Variants in RSPH10B2 observed in about 807,000 individuals in gnomAD.
RSPH10B2 encodes the protein radial spoke head 10 homolog B2 (Chlamydomonas).
In RSPH10B2, 9 loss-of-function variants were observed where a neutral mutation model predicts 49.0. That is an observed-to-expected ratio of 0.18 (90% confidence interval 0.11 to 0.32). RSPH10B2 has a LOEUF of 0.32. Among genes scored for constraint, RSPH10B2 ranks in the 10% least tolerant of loss-of-function variants. RSPH10B2 has a pLI of 1.00. For synonymous variants in RSPH10B2, 35 were observed against 210.2 expected (o/e 0.17, Z 7.21); for missense variants, 95 against 589.9 (o/e 0.16, Z 8.69).
chr7:6,785,790 C>A (rs1310861272), intron 13 of RSPH10B2, among the ~76,000 whole-genome samples, 159 bp from the exon 16 acceptor site: 7 of 151,422 alleles, frequency 4.6e-5, no homozygotes, highest in African/African-American at 1.5e-4. Flanking sequence ...GCGCCACTGC[C>A]TAGCAGCCTG....
intron 13 of RSPH10B2, among the ~76,000 whole-genome samples, chr7:6,783,294 TG>T (rs1420204259): frequency 8.6e-6 from 1 of 116,594 alleles, no homozygotes; most frequent in African/African-American, 3.7e-5. Context: ...ACTCCCAAAG[TG>T]CTGGGATTAC....
intron 17 of RSPH10B2, chr7:6,793,996 A>G (rs1330030459): frequency 1.4e-5 from 2 of 147,252 alleles, no homozygotes; most frequent in African/African-American, 5.1e-5. Context: ...GTACATGCTC[A>G]CCTTTGCTGC....
intron 1 of RSPH10B2, among the ~76,000 whole-genome samples, chr7:6,758,172 G>A (rs1264897872): frequency 6.7e-6 from 1 of 149,762 alleles, no homozygotes; most frequent in Non-Finnish European, 1.5e-5. Flanking sequence ...TAGAGACAAG[G>A]TTTCACCCTG....
At chr7:6,764,335 T>C (rs1198309239) in intron 4 of RSPH10B2, among the ~76,000 whole-genome samples, 22 of 149,798 alleles carry the variant, frequency 1.5e-4, no homozygotes, top group Non-Finnish European at 1.2e-4. Context: ...TGAGGCGAAA[T>C]TCACATCACA....
chr7:6,793,396 C>G lies in RSPH10B2; in HGVS notation c.2233+1399C>G, dbSNP rs1482924770. 1.7e-5 allele frequency among the ~76,000 whole-genome samples: 2 copies of G among 116,432 alleles called. 1 individual carries two copies. Among genetic ancestry groups the G allele is most frequent in the Non-Finnish European group, 3.4e-5 (2 of 58,260 alleles). The allele number at this position is 116,432 out of a possible 152,430, so 76.4% of individuals were successfully genotyped here. The stretch of plus-strand genomic sequence containing the variant: ...GTCTCTCTATGGCCGGCCACCCACT[C>G]AATGGTGGACTTTTAAAGGCTCCGT... On this transcript the variant is annotated intron_variant, in intron 17 of 18. Transcript: ENST00000297186.
chr7:6,764,710 G>C (rs1477520519), intron 4 of RSPH10B2, among the ~76,000 whole-genome samples: 2 of 13,192 alleles, frequency 1.5e-4, no homozygotes, highest in African/African-American at 4.9e-4. Context: ...TGTTGTTGTT[G>C]TGTGTGTGTG....
intron 14 of RSPH10B2, among the ~76,000 whole-genome samples, chr7:6,786,332 G>A (rs1176573152): frequency 2.7e-5 from 3 of 109,552 alleles, no homozygotes; most frequent in African/African-American, 7.6e-5. Flanking sequence ...ACAGGCGCCC[G>A]CCACCACGCC....
chr7:6,764,787 C>T (rs1360522340), intron 4 of RSPH10B2, among the ~76,000 whole-genome samples: 1 of 146,742 alleles, frequency 6.8e-6, no homozygotes, highest in African/African-American at 2.5e-5. Flanking sequence ...GGGGTGGTGA[C>T]TTCTAGACAG....
At chr7:6,783,620 G>A (rs1422274518) in intron 13 of RSPH10B2, among the ~76,000 whole-genome samples, 1 of 143,722 alleles carries the variant, frequency 7.0e-6, no homozygotes, top group Non-Finnish European at 1.5e-5. Context: ...CTACATGTGT[G>A]TGCCAACATA....
chr7:6,752,176 G>A (rs1464161267), upstream of RSPH10B2, among the ~76,000 whole-genome samples: 2 of 149,724 alleles, frequency 1.3e-5, no homozygotes, highest in Admixed American at 6.8e-5. Flanking sequence ...GAAAATGACT[G>A]GATGGGACAG....
intron 13 of RSPH10B2, among the ~76,000 whole-genome samples, chr7:6,782,949 GAATTT>G (rs1781998566): frequency 7.8e-6 from 1 of 128,008 alleles, no homozygotes; most frequent in Non-Finnish European, 1.6e-5. Flanking sequence ...ATCGAAAAAG[GAATTT>G]TTAAAAGTTA....
chr7:6,783,926 T>A (rs1431172556), intron 13 of RSPH10B2, among the ~76,000 whole-genome samples: 4 of 137,336 alleles, frequency 2.9e-5, no homozygotes, highest in Non-Finnish European at 4.6e-5. Flanking sequence ...AACCTCCGCC[T>A]CCCGGGTTCA....
rs1203188528 is a variant in RSPH10B2 at position 6,763,533 on chromosome 7, C to T, written c.400-395C>T. Among the ~76,000 whole-genome samples, 23 of 123,112 alleles carry T rather than the reference C, an allele frequency of 1.9e-4. 1 individual carries two copies. The South Asian group carries it at 5.6e-3, about 30-fold the overall frequency. The allele number at this position is 123,112 out of a possible 152,430, so 80.8% of individuals were successfully genotyped here. ...AATTCCCGGCCTCAAGCAGTCCTCCCGCCTCAGTCTCCCAAAGTGCTGTGA... is the reference window on the plus strand; with the variant it reads ...AATTCCCGGCCTCAAGCAGTCCTCCTGCCTCAGTCTCCCAAAGTGCTGTGA... On this transcript the variant is annotated intron_variant, in intron 3 of 18. Transcript: ENST00000297186.
At chr7:6,763,369 G>T (rs1475655094) in intron 3 of RSPH10B2, among the ~76,000 whole-genome samples, 1 of 100,582 alleles carries the variant, frequency 9.9e-6, no homozygotes, top group Non-Finnish European at 2.0e-5. Flanking sequence ...AACCTGGGAG[G>T]CAGAGGTTGC....
rs868292826 is a variant in RSPH10B2, at chr7:6,757,704, CA to C, written c.33del (p.Glu13ArgfsTer14). On this transcript the variant is annotated frameshift_variant, in exon 1 of 19. Coordinates refer to ENST00000297186, the Ensembl canonical transcript of RSPH10B2. LOFTEE classifies it high-confidence loss of function. ...TGGTGAAAGAAAAGAAAAAAGCAGA[CA>C]AAAAAGGGGAGAAGTCTGCCCGCTC... The C allele has an allele frequency of 2.8e-6, 4 of 1,424,880 alleles. No individual in the cohort carries two copies. Among genetic ancestry groups the C allele is most frequent in the Non-Finnish European group, 2.9e-6 (3 of 1,045,912 alleles). The allele number at this position is 1,424,880 out of a possible 1,614,324, so 88.3% of individuals were successfully genotyped here.
intron 13 of RSPH10B2, among the ~76,000 whole-genome samples, chr7:6,783,672 C>T (rs1782026814): frequency 6.6e-6 from 1 of 151,070 alleles, no homozygotes; most frequent in Admixed American, 6.6e-5. Context: ...GGGTTATTGC[C>T]ATGTTGCCCA....
chr7:6,797,654 A>C (rs1257976130), intron 18 of RSPH10B2, among the ~76,000 whole-genome samples: 4 of 152,268 alleles, frequency 2.6e-5, no homozygotes, highest in African/African-American at 9.6e-5. Context: ...TGAGTTTGAG[A>C]CCAGCCTAGG....
intron 7 of RSPH10B2, among the ~76,000 whole-genome samples, chr7:6,770,671 T>G (rs1781603868): frequency 6.8e-6 from 1 of 147,816 alleles, no homozygotes; most frequent in Admixed American, 6.8e-5. Flanking sequence ...TTTTGGAGGC[T>G]GAGGCGGATG....
chr7:6,780,302 C>T (rs1781884418), intron 11 of RSPH10B2, among the ~76,000 whole-genome samples: 1 of 125,804 alleles, frequency 7.9e-6, no homozygotes, highest in Non-Finnish European at 1.7e-5. Context: ...TAGTCACAAC[C>T]AAGTCTTCTT....
Sources: allele counts gnomAD v4.1 joint callset (sites outside exome capture counted in the v4.1 genomes callset), GRCh38; gene constraint gnomAD v4.1.1; transcripts MANE v1.5; gene names NCBI Gene and HGNC (gene_info 2026-07-23, HGNC 2026-07-21).